The following SLC11A2 variants were observed in gnomAD, a reference collection of about 807,000 sequenced individuals.
SLC11A2 encodes solute carrier family 11 member 2, also known as natural resistance-associated macrophage protein 2.
Under a neutral mutation model 68.0 loss-of-function variants are expected in SLC11A2, and 38 were observed. That is an observed-to-expected ratio of 0.56 (90% CI 0.43 to 0.73). The LOEUF is 0.73. Ranked by LOEUF, SLC11A2 falls within the 30% of genes least tolerant of loss-of-function variation. SLC11A2 has a pLI of 0.00. For missense variants in SLC11A2, 517 were observed against 690.5 expected, an observed-to-expected ratio of 0.75 and a Z score of 2.82; for synonymous variants, 242 against 250.6, an observed-to-expected ratio of 0.97 and a Z score of 0.32.
downstream of SLC11A2, chr12:50,979,782 T>C (rs1488093681): frequency 2.2e-6 from 1 of 447,808 alleles, no homozygotes; most frequent in South Asian, 1.6e-5. Flanking sequence ...ATAGGCAATG[T>C]CTGGATTTTT....
At position 51,026,361 on chromosome 12, in the gene SLC11A2, T is replaced by C. The variant is rs1340968428; in HGVS notation, c.-90A>G. ...CGCCGCCCCCGCGCCCAGGGCTCCA[T>C]ATTCCGGGAGCCAGCGCCACGCTGG... is the stretch of plus-strand genomic sequence containing the variant. On this transcript the variant is annotated 5_prime_UTR_variant, in exon 1 of 16. In the 5' UTR this introduces an upstream ATG that the reference lacks. Coordinates refer to ENST00000262052, the MANE Select transcript of SLC11A2 (RefSeq NM_000617.3). The C allele has an allele frequency of 7.8e-7, 1 of 1,281,594 alleles. No individual in the cohort carries two copies. Among genetic ancestry groups the C allele is most frequent in the Admixed American group, 2.3e-5 (1 of 43,418 alleles). The allele number at this position is 1,281,594 out of a possible 1,614,324, so 79.4% of individuals were successfully genotyped here. A position where few individuals can be genotyped will look rare whatever the true frequency, so the allele number is the denominator to read the frequency against.
At chr12:50,960,849 ATTT>A in the SLC11A2 span, 49 of 654,180 alleles carry the variant, frequency 7.5e-5, no homozygotes, top group African/African-American at 3.8e-4. Context: ...TGTGTGGCTA[ATTT>A]TTTTTTTTTT....
intron 9 of SLC11A2, 42 bp downstream of exon 9, chr12:50,996,775 A>G: frequency 1.2e-6 from 2 of 1,601,126 alleles, no homozygotes; most frequent in Non-Finnish European, 1.7e-6. Context: ...AAAAGATCCC[A>G]TGAACTGTCT....
At chr12:50,953,779 C>T in the SLC11A2 span, 2 of 441,164 alleles carry the variant, frequency 4.5e-6, no homozygotes, top group Non-Finnish European at 7.9e-6. Context: ...TTATCATTTC[C>T]TCTATGTATT....
chr12:50,988,990 A>T (rs1456975062), intron 15 of SLC11A2, among the ~76,000 whole-genome samples: 2 of 152,126 alleles, frequency 1.3e-5, no homozygotes, highest in African/African-American at 4.8e-5. Flanking sequence ...CTGAAATTAC[A>T]AGCGTGAGCC....
At chr12:51,012,091 A>T (rs1592413904) in intron 1 of SLC11A2, among the ~76,000 whole-genome samples, 1 of 152,130 alleles carries the variant, frequency 6.6e-6, no homozygotes, top group Non-Finnish European at 1.5e-5. Context: ...GAAACTAGTC[A>T]CCCGTGGCCC....
chr12:50,974,593 A>T (rs1162684418), downstream of SLC11A2, among the ~76,000 whole-genome samples: 5 of 152,212 alleles, frequency 3.3e-5, no homozygotes, highest in African/African-American at 4.8e-5. Context: ...AACGAGCAAA[A>T]TAACCAGCTA....
At chr12:50,993,992 C>CAAAAAA (rs71663850) in intron 11 of SLC11A2, among the ~76,000 whole-genome samples, 38 of 48,394 alleles carry the variant, frequency 7.9e-4, no homozygotes, top group African/African-American at 2.7e-3. Flanking sequence ...ACCTTGTCTC[C>CAAAAAA]AAAAAAAAAA....
At chr12:51,001,992 C>T (rs954121578) in intron 5 of SLC11A2, among the ~76,000 whole-genome samples, 7 of 152,258 alleles carry the variant, frequency 4.6e-5, no homozygotes, top group African/African-American at 1.7e-4. Flanking sequence ...AGCTGAAAAT[C>T]AGATTTAGTT....
rs759374719 is a variant in SLC11A2 at position 50,992,305 on chromosome 12, C to T, written c.1232G>A (p.Arg411Gln). 2.4e-5 allele frequency: 38 copies of T among 1,613,856 alleles called. No individual in the cohort carries two copies. Among genetic ancestry groups the T allele is most frequent in the Non-Finnish European group, 3.1e-5 (36 of 1,179,960 alleles). ...FLNLKWSRFARVVLTRSIAII... is the reference protein window; with the variant it reads ...FLNLKWSRFAQVVLTRSIAII... ...GGCAATAGAGCGAGTCAGAACCACTCGGGCAAAGCGTGACCACTTTAGGTT... is the reference window on the plus strand; with the variant it reads ...GGCAATAGAGCGAGTCAGAACCACTTGGGCAAAGCGTGACCACTTTAGGTT... The change falls in exon 13 of 16, where the codon CGA (arginine) becomes CAA (glutamine). Residue 411 changes from arginine to glutamine, a missense_variant. Physicochemically the swap from Arg to Gln is conservative, Grantham distance 43. Transcript: ENST00000262052.
intron 5 of SLC11A2, among the ~76,000 whole-genome samples, chr12:51,000,954 A>C (rs926341932): frequency 6.6e-6 from 1 of 151,930 alleles, no homozygotes; most frequent in African/African-American, 2.4e-5. Context: ...TCACCTGAGG[A>C]CAGGGTTCAA....
chr12:50,984,918 C>T (rs67259551), downstream of SLC11A2, among the ~76,000 whole-genome samples: 22,418 of 152,124 alleles, frequency 0.15, 1,908 homozygotes, highest in South Asian at 0.26. Context: ...ATATATTACA[C>T]AGGATAGTTT....
downstream of SLC11A2, among the ~76,000 whole-genome samples, chr12:50,978,988 A>C (rs1045718290): frequency 9.8e-5 from 15 of 152,294 alleles, no homozygotes; most frequent in Middle Eastern, 3.4e-3. Flanking sequence ...AGGTAATTGC[A>C]CTTTTTCTGA....
the SLC11A2 span, among the ~76,000 whole-genome samples, chr12:50,966,160 C>T: frequency 2.0e-5 from 3 of 152,154 alleles, no homozygotes; most frequent in Non-Finnish European, 2.9e-5. Context: ...CACTTGACCC[C>T]CACAGCCTCA....
At chr12:51,005,238 C>T in intron 4 of SLC11A2, 73 bp downstream of exon 4, 3 of 1,528,530 alleles carry the variant, frequency 2.0e-6, no homozygotes, top group Non-Finnish European at 2.7e-6. Context: ...TACTATCCAA[C>T]ATGCAGGGTG....
At chr12:51,006,729 G>A (rs1432322709) in intron 3 of SLC11A2, among the ~76,000 whole-genome samples, 2 of 151,910 alleles carry the variant, frequency 1.3e-5, no homozygotes. Flanking sequence ...TTTAGACCAG[G>A]TCTTTAGAAA....
At chr12:51,016,124 G>A (rs1359318204) in intron 1 of SLC11A2, among the ~76,000 whole-genome samples, 3 of 152,192 alleles carry the variant, frequency 2.0e-5, no homozygotes, top group Non-Finnish European at 4.4e-5. Context: ...AGACTGGCTG[G>A]CTGTAGTGGC....
upstream of SLC11A2, chr12:51,028,565 G>A (rs1009882048): frequency 7.8e-5 from 19 of 242,512 alleles, no homozygotes; most frequent in Non-Finnish European, 1.3e-4. Context: ...TGGTTGAAAG[G>A]GGTGGAGTAA....
At chr12:50,970,871 C>CTTTAT in the SLC11A2 span, among the ~76,000 whole-genome samples, 3 of 151,286 alleles carry the variant, frequency 2.0e-5, no homozygotes, top group East Asian at 2.0e-4. Context: ...CTTCTCTTTT[C>CTTTAT]TTTATTTTAT....
Sources: gnomAD v4.1 joint callset for allele counts (sites outside exome capture counted in the v4.1 genomes callset) on GRCh38, gnomAD v4.1.1 for gene constraint, MANE v1.5 for transcripts, NCBI Gene and HGNC (gene_info 2026-07-23, HGNC 2026-07-21) for gene names.